The following PXDNL variants were observed in gnomAD, a reference collection of about 807,000 sequenced individuals.
PXDNL encodes peroxidasin like, also known as probable oxidoreductase PXDNL.
In PXDNL, 145 loss-of-function variants were observed where a neutral mutation model predicts 150.8. That is an observed-to-expected ratio of 0.96 (90% CI 0.84 to 1.10). The LOEUF is 1.10. Among genes scored for constraint, PXDNL ranks in the 50% least tolerant of loss-of-function variants. The pLI is 0.00. For synonymous variants in PXDNL, 757 were observed against 725.7 expected, an observed-to-expected ratio of 1.04 and a Z score of -0.69; for missense variants, 2,087 against 1,873.9, an observed-to-expected ratio of 1.11 and a Z score of -2.10.
intron 10 of PXDNL, among the ~76,000 whole-genome samples, chr8:51,450,947 C>T (rs1210966296): frequency 6.6e-6 from 1 of 151,968 alleles, no homozygotes; most frequent in East Asian, 1.9e-4. Flanking sequence ...TTACTAGGAA[C>T]AACTTAAAAA....
At chr8:51,528,355 A>G (rs1811810860) in intron 4 of PXDNL, among the ~76,000 whole-genome samples, 1 of 151,542 alleles carries the variant, frequency 6.6e-6, no homozygotes, top group Non-Finnish European at 1.5e-5. Flanking sequence ...GCAGATGCCC[A>G]ATATATGTTT....
intron 12 of PXDNL, among the ~76,000 whole-genome samples, chr8:51,440,276 G>T (rs941497674): frequency 6.6e-6 from 1 of 152,020 alleles, no homozygotes; most frequent in African/African-American, 2.4e-5. Context: ...GGGGATTCGG[G>T]GGAAAGGATG....
chr8:51,329,779 T>C (rs1805627412), intron 21 of PXDNL, among the ~76,000 whole-genome samples: 2 of 152,210 alleles, frequency 1.3e-5, no homozygotes, highest in Admixed American at 6.5e-5. Context: ...AGACGTAATG[T>C]ATTAGTCAAG....
chr8:51,372,024 C>T lies in PXDNL; in HGVS notation c.3750G>A (p.Gln1250=), dbSNP rs1292400933. 6.2e-7 allele frequency: 1 copy of T among 1,611,514 alleles called. No individual in the cohort carries two copies. Among genetic ancestry groups the T allele is most frequent in the Non-Finnish European group, 8.5e-7 (1 of 1,178,740 alleles). Residue 1250 remains glutamine (Q), a synonymous_variant, in exon 19 of 23, where the codon CAG becomes CAA. Coordinates refer to ENST00000356297, the MANE Select transcript of PXDNL (RefSeq NM_144651.5). ...FTPAQLTQLK[Q]ASLSRVLCDN... ...CACAAAGCACCCGGCTCAGGGACGC[C>T]TGCTTCAGCTGAGTGAGTTGTGCCG...
chr8:51,759,056 A>C (rs1424540135), intron 1 of PXDNL, among the ~76,000 whole-genome samples: 5 of 152,194 alleles, frequency 3.3e-5, no homozygotes, highest in African/African-American at 1.2e-4. Context: ...GACCATGAGA[A>C]TAGGAGTCAG....
intron 1 of PXDNL, among the ~76,000 whole-genome samples, chr8:51,787,554 A>T (rs1035025982): frequency 4.6e-4 from 70 of 152,352 alleles, no homozygotes; most frequent in African/African-American, 1.6e-3. Flanking sequence ...CTAGAATTTG[A>T]AGTGGAGCCT....
chr8:51,732,665 C>G (rs1484641236), intron 1 of PXDNL, among the ~76,000 whole-genome samples: 1 of 152,142 alleles, frequency 6.6e-6, no homozygotes, highest in East Asian at 1.9e-4. Flanking sequence ...TTAATGGACT[C>G]ACATTTCCAC....
intron 4 of PXDNL, among the ~76,000 whole-genome samples, chr8:51,526,428 G>A (rs1255215284): frequency 2.0e-5 from 3 of 151,842 alleles, no homozygotes; most frequent in African/African-American, 7.3e-5. Flanking sequence ...AGCCAATAGT[G>A]TCTAAAGGTT....
chr8:51,571,078 A>T (rs1362010488), intron 3 of PXDNL, among the ~76,000 whole-genome samples: 1 of 151,108 alleles, frequency 6.6e-6, no homozygotes, highest in East Asian at 1.9e-4. Context: ...TTCACCCCTT[A>T]TATCAGTTCT....
At chr8:51,541,260 A>G (rs1812211658) in intron 4 of PXDNL, among the ~76,000 whole-genome samples, 1 of 151,762 alleles carries the variant, frequency 6.6e-6, no homozygotes, top group African/African-American at 2.4e-5. Flanking sequence ...CCATAAAAAA[A>G]AAAAAAAAAA....
intron 1 of PXDNL, among the ~76,000 whole-genome samples, chr8:51,711,742 A>T (rs1415219466): frequency 1.5e-4 from 23 of 152,254 alleles, no homozygotes; most frequent in Admixed American, 1.4e-3. Flanking sequence ...CACTGTTTCC[A>T]AAAGTATATA....
chr8:51,396,848 C>A (rs1808098040), intron 17 of PXDNL, among the ~76,000 whole-genome samples: 1 of 152,178 alleles, frequency 6.6e-6, no homozygotes, highest in Admixed American at 6.5e-5. Context: ...GCTACAAGAT[C>A]TTGTGTTGGA....
chr8:51,744,209 AAAGG>A (rs1413173106), intron 1 of PXDNL, among the ~76,000 whole-genome samples: 5 of 150,106 alleles, frequency 3.3e-5, no homozygotes, highest in African/African-American at 9.8e-5. Context: ...AAAAGAAAAG[AAAGG>A]AAGGAAGGGA....
At chr8:51,331,703 C>T in intron 21 of PXDNL, among the ~76,000 whole-genome samples, 1 of 152,064 alleles carries the variant, frequency 6.6e-6, no homozygotes, top group East Asian at 1.9e-4. Context: ...AGGCCTGTGA[C>T]TGCCGGCTTT....
intron 17 of PXDNL, among the ~76,000 whole-genome samples, chr8:51,391,186 G>C (rs951343850): frequency 2.0e-5 from 3 of 152,180 alleles, no homozygotes; most frequent in African/African-American, 7.2e-5. Flanking sequence ...ATTGTGAATA[G>C]TGCCGCAATA....
chr8:51,608,057 G>GAA (rs1563481774), intron 2 of PXDNL, among the ~76,000 whole-genome samples: 1 of 98,296 alleles, frequency 1.0e-5, no homozygotes, highest in African/African-American at 4.7e-5. Flanking sequence ...AAGAAAGAAA[G>GAA]CAAGCAAGCA....
At chr8:51,404,571 C>A (rs1422554685) in intron 17 of PXDNL, among the ~76,000 whole-genome samples, 1 of 151,936 alleles carries the variant, frequency 6.6e-6, no homozygotes, top group Non-Finnish European at 1.5e-5. Flanking sequence ...TCCAAGTCCC[C>A]ACCAGATTAG....
At position 51,408,689 on chromosome 8, in the gene PXDNL, T is replaced by G; in HGVS notation, c.2935A>C (p.Asn979His). Residue 979 changes from asparagine (N) to histidine (H), a missense_variant, in exon 17 of 23, where the codon AAC (asparagine) becomes CAC (histidine). Coordinates refer to ENST00000356297, the MANE Select transcript of PXDNL (RefSeq NM_144651.5). ...GCGGACAGCTCCGTGGCCATCCTGT[T>G]GTGTTCCCGGAACCACAGGGTGTGC... ...AMHTLWFREH[N>H]RMATELSALN... 5.6e-6 allele frequency: 9 copies of G among 1,596,018 alleles called. No homozygotes were observed. The highest frequency in any genetic ancestry group is 7.7e-6 in the Non-Finnish European group (9 of 1,170,982).
rs535482883 is a variant in PXDNL, at chr8:51,746,392, G to GTTGAT, written c.164+62784_164+62788dup. On this transcript the variant is annotated intron_variant, in intron 1 of 22. Coordinates refer to ENST00000356297, the MANE Select transcript of PXDNL (RefSeq NM_144651.5). Reference sequence around the variant, plus strand: ...GAAAGCCCAAAGGACACTGATAACAGTTGATTTTCTCCCCTGTCCTCTCTT... The same window carrying GTTGAT: ...GAAAGCCCAAAGGACACTGATAACAGTTGATTTGATTTTCTCCCCTGTCCTCTCTT... Among the ~76,000 whole-genome samples, 548 of 152,294 alleles carry GTTGAT rather than the reference G, an allele frequency of 3.6e-3. 5 individuals carry two copies. Among genetic ancestry groups the GTTGAT allele is most frequent in the African/African-American group, 0.013 (520 of 41,568 alleles).
Sources: allele counts gnomAD v4.1 joint callset (sites outside exome capture counted in the v4.1 genomes callset), GRCh38; gene constraint gnomAD v4.1.1; transcripts MANE v1.5; gene names NCBI Gene and HGNC (gene_info 2026-07-23, HGNC 2026-07-21).